The following ADGRD1 variants were observed in gnomAD, a reference collection of about 807,000 sequenced individuals.
ADGRD1 encodes adhesion G protein-coupled receptor D1.
In ADGRD1, 77 loss-of-function variants were observed where a neutral mutation model predicts 113.4. The ratio of observed to expected loss-of-function variants is 0.68; its 90% CI spans 0.57 to 0.82. The LOEUF (loss-of-function observed/expected upper bound fraction) is 0.82, where lower values mean the gene tolerates loss of function less well. Among genes scored for constraint, ADGRD1 ranks in the 40% least tolerant of loss-of-function variants. The probability of loss-of-function intolerance (pLI) is 0.00; values close to 1 mark genes in which losing one functional copy is unlikely to be tolerated. For missense variants in ADGRD1, 1,036 were observed against 1,139.1 expected (o/e 0.91, Z 1.30); for synonymous variants, 474 against 475.0 (o/e 1.00, Z 0.03).
At chr12:131,109,457 C>T (rs111798288) in intron 18 of ADGRD1, among the ~76,000 whole-genome samples, 39 of 152,134 alleles carry the variant, frequency 2.6e-4, no homozygotes, top group Non-Finnish European at 4.6e-4. Context: ...ATTTTAAATT[C>T]ATCTCAAAGT....
intron 13 of ADGRD1, among the ~76,000 whole-genome samples, chr12:131,015,209 C>A (rs375208532): frequency 2.9e-3 from 443 of 152,390 alleles, no homozygotes; most frequent in African/African-American, 1.0e-2. Context: ...GACTGTGTTT[C>A]TGCCCCACCT....
chr12:131,099,594 A>G (rs1387529477), intron 15 of ADGRD1, among the ~76,000 whole-genome samples: 2 of 152,302 alleles, frequency 1.3e-5, no homozygotes, highest in South Asian at 2.1e-4. Context: ...AGTCGGCCTC[A>G]TTATTCAGAC....
At chr12:131,119,871 G>A (rs1245672401) in intron 19 of ADGRD1, among the ~76,000 whole-genome samples, 1 of 152,158 alleles carries the variant, frequency 6.6e-6, no homozygotes, top group African/African-American at 2.4e-5. Context: ...TCTTGTTTTG[G>A]GGCATTTGCC....
intron 8 of ADGRD1, among the ~76,000 whole-genome samples, chr12:130,997,759 A>G (rs1191151321): frequency 6.8e-6 from 1 of 146,496 alleles, no homozygotes; most frequent in Non-Finnish European, 1.5e-5. Flanking sequence ...ATCCCAGACG[A>G]TGGGCGGCCA....
rs1375306108 is a variant in ADGRD1 at position 130,954,587 on chromosome 12, C to T, written c.67-37C>T. ...AGGCTTGGTTTCTCCGGAGGCTTTC[C>T]CTGAGTGTGTCTCACACTGTGGTCT... is the stretch of plus-strand genomic sequence containing the variant. On this transcript the variant is annotated intron_variant, in intron 1 of 24. Coordinates refer to ENST00000261654, the MANE Select transcript of ADGRD1 (RefSeq NM_198827.5). This position sits in a 1 kb window ranked among gnomAD's most constrained non-coding sequence, Gnocchi z 4.7. 2 of 1,613,884 alleles carry T rather than the reference C, an allele frequency of 1.2e-6. No homozygotes were observed. Among genetic ancestry groups the T allele is most frequent in the African/African-American group, 1.3e-5 (1 of 74,906 alleles).
chr12:131,102,853 T>C (rs1307381538), intron 15 of ADGRD1, among the ~76,000 whole-genome samples: 1 of 152,198 alleles, frequency 6.6e-6, no homozygotes, highest in Non-Finnish European at 1.5e-5. Flanking sequence ...GGGGCTCTCC[T>C]ACCCCTAACT....
At chr12:131,123,776 T>C (rs1041524473) in intron 20 of ADGRD1, among the ~76,000 whole-genome samples, 1 of 150,348 alleles carries the variant, frequency 6.7e-6, no homozygotes, top group Non-Finnish European at 1.5e-5. Flanking sequence ...GAGCCGAGAT[T>C]GCGCCACTGC....
At position 130,966,813 on chromosome 12, in the gene ADGRD1, G is replaced by C. The variant is rs550776147; in HGVS notation, c.187+267G>C. 100 of 427,286 alleles carry C rather than the reference G, an allele frequency of 2.3e-4. No homozygotes were observed. The East Asian group carries it at 4.7e-3, about 20-fold the overall frequency. 26.5% of individuals were successfully genotyped at this position (427,286 alleles called of 1,614,324 possible). A position where few individuals can be genotyped will look rare whatever the true frequency, so the allele number is the denominator to read the frequency against. ...AAAGCTTTTTTTTTTGTAGAGATGG[G>C]GTCTTGCTATGTTGCCAGGCTGGTC... On this transcript the variant is annotated intron_variant, in intron 3 of 24. Coordinates refer to ENST00000261654, the MANE Select transcript of ADGRD1 (RefSeq NM_198827.5). The surrounding 1 kb of genome is among the most constrained non-coding windows in gnomAD (Gnocchi z 4.6).
intron 24 of ADGRD1, 104 bp from the exon 25 acceptor site, chr12:131,139,064 G>A: frequency 1.2e-6 from 1 of 811,630 alleles, no homozygotes; most frequent in Non-Finnish European, 2.0e-6. Context: ...CCCGCAGGGA[G>A]AATCCTCGGG....
rs1047297160 is a variant in ADGRD1, at chr12:131,060,274, A to G, written c.1474-16527A>G. Among the ~76,000 whole-genome samples the G allele has an allele frequency of 1.3e-5, 2 of 152,230 alleles. No homozygotes were observed. Among genetic ancestry groups the G allele is most frequent in the African/African-American group, 2.4e-5 (1 of 41,466 alleles). ...CCTGATACCCACTCAGCCTTTGCTCATAGAGGCTGGGTGGGGCCACACTTT... is the reference window on the plus strand; with the variant it reads ...CCTGATACCCACTCAGCCTTTGCTCGTAGAGGCTGGGTGGGGCCACACTTT... On this transcript the variant is annotated intron_variant, in intron 13 of 24. Coordinates refer to ENST00000261654, the MANE Select transcript of ADGRD1 (RefSeq NM_198827.5). This position sits in a 1 kb window ranked among gnomAD's most constrained non-coding sequence, Gnocchi z 4.4.
chr12:131,067,395 G>A (rs111317339), intron 13 of ADGRD1, among the ~76,000 whole-genome samples: 14 of 152,358 alleles, frequency 9.2e-5, no homozygotes, highest in Middle Eastern at 3.4e-3. Flanking sequence ...CTGGTCAGGC[G>A]TCATCAGGGT....
chr12:131,120,190 C>T (rs1950559331), intron 19 of ADGRD1, among the ~76,000 whole-genome samples: 1 of 152,194 alleles, frequency 6.6e-6, no homozygotes, highest in African/African-American at 2.4e-5. Context: ...AAAGGCACTC[C>T]AGGTCCTTGG....
chr12:131,030,718 T>C (rs994536231), intron 13 of ADGRD1: 2 of 152,266 alleles, frequency 1.3e-5, no homozygotes, highest in East Asian at 1.9e-4. Flanking sequence ...GCCTTTGGCA[T>C]CTGTAGCGTG....
intron 8 of ADGRD1, among the ~76,000 whole-genome samples, chr12:130,995,552 TAG>T (rs1467468815): frequency 1.3e-5 from 2 of 151,868 alleles, no homozygotes; most frequent in Non-Finnish European, 2.9e-5. Flanking sequence ...CAGTGGGGAG[TAG>T]AGAGAGGTAG....
chr12:131,122,532 T>G (rs7967018), intron 20 of ADGRD1, among the ~76,000 whole-genome samples: 4 of 151,670 alleles, frequency 2.6e-5, no homozygotes, highest in Non-Finnish European at 5.9e-5. Context: ...GACCATTCAT[T>G]TTGCCAACCA....
chr12:131,095,317 C>T (rs1179278900), intron 15 of ADGRD1, among the ~76,000 whole-genome samples: 1 of 152,256 alleles, frequency 6.6e-6, no homozygotes, highest in South Asian at 2.1e-4. Flanking sequence ...AGGGTTCCAC[C>T]CCTGCCCCTC....
chr12:131,137,549 G>A, intron 23 of ADGRD1: 1 of 204,150 alleles, frequency 4.9e-6, no homozygotes, highest in Admixed American at 5.3e-5. Context: ...CCAGGCTGAG[G>A]TTGTGGGAGC....
chr12:131,016,391 T>C (rs918501374), intron 13 of ADGRD1, among the ~76,000 whole-genome samples: 1 of 152,274 alleles, frequency 6.6e-6, no homozygotes, highest in African/African-American at 2.4e-5. Flanking sequence ...TGTCTTGCAG[T>C]TGTGCAGTTG....
intron 9 of ADGRD1, 38 bp downstream of exon 9, chr12:131,000,480 A>G (rs4759822): frequency 0.45 from 684,644 of 1,537,686 alleles, 156,006 homozygotes; most frequent in African/African-American, 0.57. Context: ...GGTGGCTCAT[A>G]CCTATAATCC....
Sources: allele counts gnomAD v4.1 joint callset (sites outside exome capture counted in the v4.1 genomes callset), GRCh38; gene constraint gnomAD v4.1.1; non-coding constraint Gnocchi (gnomAD v3.1); transcripts MANE v1.5; gene names NCBI Gene and HGNC (gene_info 2026-07-23, HGNC 2026-07-21).